ARMC10: variants seen among roughly 807,000 people sequenced by gnomAD.
ARMC10 encodes the protein armadillo repeat containing 10.
Under a neutral mutation model 30.2 loss-of-function variants are expected in ARMC10, and 23 were observed. The ratio of observed to expected loss-of-function variants is 0.76; its 90% CI spans 0.55 to 1.08. The LOEUF (loss-of-function observed/expected upper bound fraction) is 1.08, where lower values mean the gene tolerates loss of function less well. Among genes scored for constraint, ARMC10 ranks in the 50% least tolerant of loss-of-function variants. The probability of loss-of-function intolerance (pLI) is 0.00; values close to 1 mark genes in which losing one functional copy is unlikely to be tolerated. For missense variants in ARMC10, 303 were observed against 413.7 expected (o/e 0.73, Z 2.32); for synonymous variants, 111 against 164.4 (o/e 0.68, Z 2.48).
intron 4 of ARMC10, among the ~76,000 whole-genome samples, chr7:103,087,327 A>G (rs1800947338): frequency 6.6e-6 from 1 of 152,202 alleles, no homozygotes; most frequent in African/African-American, 2.4e-5. Context: ...CTGTTCCTTT[A>G]TCTTGTTGTA....
chr7:103,094,512 G>A (rs1801609372), intron 5 of ARMC10, among the ~76,000 whole-genome samples: 1 of 152,156 alleles, frequency 6.6e-6, no homozygotes, highest in South Asian at 2.1e-4. Flanking sequence ...CTATTCCCTG[G>A]TTGTATACCT....
At chr7:103,081,384 A>G (rs1002974827) in intron 2 of ARMC10, among the ~76,000 whole-genome samples, 2 of 152,242 alleles carry the variant, frequency 1.3e-5, no homozygotes, top group African/African-American at 4.8e-5. Context: ...TTAAAAACAA[A>G]AACAAAAACA....
At chr7:103,094,119 A>T (rs559316300) in intron 5 of ARMC10, among the ~76,000 whole-genome samples, 32 of 152,346 alleles carry the variant, frequency 2.1e-4, no homozygotes, top group East Asian at 5.8e-4. Context: ...GTATTTTCTT[A>T]GTAAATAACC....
At chr7:103,090,054 C>G (rs1801178208) in intron 4 of ARMC10, among the ~76,000 whole-genome samples, 1 of 152,096 alleles carries the variant, frequency 6.6e-6, no homozygotes, top group Non-Finnish European at 1.5e-5. Context: ...GGAGTCTGAC[C>G]TGGCTCTTGA....
chr7:103,099,575 C>CGTGTGTGTGTGTGTGTGTCTGTGTGTGT lies in ARMC10; in HGVS notation c.*1040_*1041insCTGTGTGTGTGTGTGTGTGTGTGTGTGT, dbSNP rs36128607. 3.3e-5 allele frequency: 1 copy of CGTGTGTGTGTGTGTGTGTCTGTGTGTGT among 29,962 alleles called. No homozygotes were observed. The highest frequency in any genetic ancestry group is 6.1e-4 in the Admixed American group (1 of 1,652). The allele number at this position is 29,962 out of a possible 1,614,324, so 1.9% of individuals were successfully genotyped here. A position where few individuals can be genotyped will look rare whatever the true frequency, so the allele number is the denominator to read the frequency against. On this transcript the variant is annotated 3_prime_UTR_variant, in exon 7 of 7. Coordinates refer to ENST00000323716, the MANE Select transcript of ARMC10 (RefSeq NM_031905.5). ...ACAAAAATTATAGAATATGGGATCC[C>CGTGTGTGTGTGTGTGTGTCTGTGTGTGT]GTGTGTGTGTGTGTGTGTTTGAATG...
At chr7:103,082,394 C>T (rs1318699633) in intron 2 of ARMC10, among the ~76,000 whole-genome samples, 1 of 88,102 alleles carries the variant, frequency 1.1e-5, no homozygotes, top group Non-Finnish European at 2.5e-5. Context: ...AGAAATAATA[C>T]CTGTTTATTG....
At chr7:103,087,670 AAAC>A (rs1482486395) in intron 4 of ARMC10, 3 of 641,772 alleles carry the variant, frequency 4.7e-6, no homozygotes, top group Non-Finnish European at 5.8e-6. Context: ...ATGAAGAAAA[AAAC>A]AACAAATAAC....
chr7:103,084,103 T>A, intron 3 of ARMC10: 1 of 1,305,480 alleles, frequency 7.7e-7, no homozygotes, highest in Non-Finnish European at 1.0e-6. Context: ...CATGGCCTTT[T>A]AAATTATTTA....
chr7:103,084,972 G>A (rs1563321779), intron 3 of ARMC10, among the ~76,000 whole-genome samples: 1 of 152,212 alleles, frequency 6.6e-6, no homozygotes, highest in Non-Finnish European at 1.5e-5. Flanking sequence ...AGGGATGGCT[G>A]TGAATACAAG....
intron 2 of ARMC10, among the ~76,000 whole-genome samples, chr7:103,083,478 G>A (rs991812157): frequency 2.6e-5 from 4 of 152,036 alleles, no homozygotes; most frequent in South Asian, 2.1e-4. Context: ...AAAATTAGCC[G>A]GGTGTGGTGC....
At chr7:103,083,218 C>T (rs1398752176) in intron 2 of ARMC10, 2 of 447,260 alleles carry the variant, frequency 4.5e-6, no homozygotes, top group Non-Finnish European at 4.5e-6. Flanking sequence ...TAAGCCTACA[C>T]TTCCCAGCTG....
chr7:103,082,706 A>G (rs766093292), intron 2 of ARMC10, among the ~76,000 whole-genome samples: 4 of 151,894 alleles, frequency 2.6e-5, no homozygotes, highest in Non-Finnish European at 5.9e-5. Context: ...CCTCCTCCTC[A>G]CCTACCCTTG....
chr7:103,075,707 T>C (rs1019752164), intron 1 of ARMC10, 70 bp from the exon 2 acceptor site: 24 of 1,204,020 alleles, frequency 2.0e-5, no homozygotes, highest in African/African-American at 3.1e-5. Flanking sequence ...TTTGTGTAAC[T>C]AAAGGGATTC....
rs752415307 is a variant in ARMC10, at chr7:103,098,588, G to C, written c.*35G>C. ...TTTTTCCAAAGAGTAATGCAGTCTG[G>C]ATATAAACGTATTTTCTGTCTTCCT... On this transcript the variant is annotated 3_prime_UTR_variant, in exon 7 of 7. Coordinates refer to ENST00000323716, the MANE Select transcript of ARMC10 (RefSeq NM_031905.5). The C allele has an allele frequency of 6.0e-6, 9 of 1,503,580 alleles. No homozygotes were observed. Among genetic ancestry groups the C allele is most frequent in the Non-Finnish European group, 8.9e-7 (1 of 1,126,844 alleles). 93.1% of individuals were successfully genotyped at this position (1,503,580 alleles called of 1,614,324 possible).
At chr7:103,096,413 A>G in intron 5 of ARMC10, 1 of 152,094 alleles carries the variant, frequency 6.6e-6, no homozygotes, top group Admixed American at 6.6e-5. Flanking sequence ...TTAAAAGATA[A>G]CCTCAAAAAT....
chr7:103,081,599 TC>T (rs1384760443), intron 2 of ARMC10, among the ~76,000 whole-genome samples: 1 of 152,172 alleles, frequency 6.6e-6, no homozygotes, highest in African/African-American at 2.4e-5. Context: ...GGTCTCAGAC[TC>T]CTCAGTTCAA....
intron 2 of ARMC10, 134 bp downstream of exon 2, chr7:103,076,015 A>C (rs1799759593): frequency 1.8e-6 from 1 of 555,728 alleles, no homozygotes. Context: ...ACATCATGGA[A>C]GCTGTTAGGG....
intron 2 of ARMC10, among the ~76,000 whole-genome samples, chr7:103,077,328 G>A (rs899167366): frequency 6.6e-6 from 1 of 151,108 alleles, no homozygotes; most frequent in African/African-American, 2.4e-5. Context: ...TACCCTTACT[G>A]TATTAGTCCA....
intron 2 of ARMC10, chr7:103,083,235 G>A (rs918662080): frequency 2.3e-6 from 1 of 437,978 alleles, no homozygotes; most frequent in Non-Finnish European, 4.6e-6. Context: ...GCTGTAATTT[G>A]AGAGTACTAC....
Sources: gnomAD v4.1 joint callset for allele counts (sites outside exome capture counted in the v4.1 genomes callset) on GRCh38, gnomAD v4.1.1 for gene constraint, MANE v1.5 for transcripts, NCBI Gene and HGNC (gene_info 2026-07-23, HGNC 2026-07-21) for gene names.